DNAH9: variants seen among roughly 807,000 people sequenced by gnomAD.
The protein encoded by DNAH9 is DNAH9 variant protein.
DNAH9 carries 345 observed loss-of-function variants against 471.6 expected under a neutral mutation model. The ratio of observed to expected loss-of-function variants is 0.73; its 90% confidence interval spans 0.67 to 0.80. The LOEUF (loss-of-function observed/expected upper bound fraction) is 0.80, where lower values mean the gene tolerates loss of function less well. Among genes scored for constraint, DNAH9 ranks in the 30% least tolerant of loss-of-function variants. The pLI, the probability that DNAH9 is intolerant of heterozygous loss-of-function variation, is 0.00. For synonymous variants in DNAH9, 2,093 were observed against 2,123.6 expected (o/e 0.99, Z 0.40); for missense variants, 5,407 against 5,609.2 (o/e 0.96, Z 1.15).
chr17:11,891,728 A>G, intron 57 of DNAH9, 49 bp from the exon 58 acceptor site: 2 of 1,587,674 alleles, frequency 1.3e-6, no homozygotes, highest in Non-Finnish European at 1.7e-6. Flanking sequence ...CCACTAGTGT[A>G]TAGTAAGAGG....
chr17:11,721,149 C>T (rs557516121), intron 27 of DNAH9, among the ~76,000 whole-genome samples: 20 of 152,230 alleles, frequency 1.3e-4, no homozygotes, highest in South Asian at 4.2e-4. Flanking sequence ...GGTGAGTTGG[C>T]TAGGGGTCAC....
intron 29 of DNAH9, among the ~76,000 whole-genome samples, chr17:11,740,479 T>C (rs1016168): frequency 0.95 from 144,612 of 152,182 alleles, 69,120 homozygotes; most frequent in East Asian, 1. Context: ...GGAAAGAGGA[T>C]GAGCTAGCTC....
chr17:11,712,062 ATTTG>A (rs200856159), intron 26 of DNAH9, among the ~76,000 whole-genome samples: 46 of 1,438 alleles, frequency 0.032, 19 homozygotes, highest in Non-Finnish European at 0.069. Flanking sequence ...AAATATATAT[ATTTG>A]TATATATATA....
At chr17:11,644,492 A>C in intron 10 of DNAH9, 139 bp from the exon 11 acceptor site, 1 of 624,036 alleles carries the variant, frequency 1.6e-6, no homozygotes, top group East Asian at 3.1e-5. Context: ...GTTCGCGAAG[A>C]AGAAAGGCTC....
chr17:11,697,940 A>AC (rs2150766836), intron 22 of DNAH9, among the ~76,000 whole-genome samples: 1 of 151,496 alleles, frequency 6.6e-6, no homozygotes, highest in South Asian at 2.1e-4. Context: ...TGAAAGAAAA[A>AC]CAAGGTGATG....
At chr17:11,711,388 C>A (rs1335711197) in intron 26 of DNAH9, among the ~76,000 whole-genome samples, 1 of 152,078 alleles carries the variant, frequency 6.6e-6, no homozygotes, top group African/African-American at 2.4e-5. Flanking sequence ...GACTAGTGGG[C>A]TTAATGTTTT....
At chr17:11,722,552 G>T (rs535885518) in intron 27 of DNAH9, among the ~76,000 whole-genome samples, 1 of 152,306 alleles carries the variant, frequency 6.6e-6, no homozygotes, top group Middle Eastern at 3.4e-3. Flanking sequence ...GCAGTCAGTG[G>T]TGAAGCAAAG....
At position 11,883,656 on chromosome 17, in the gene DNAH9, G is replaced by A. The variant is rs183636309; in HGVS notation, c.10877G>A (p.Arg3626His). The A allele has an allele frequency of 1.8e-5, 29 of 1,614,008 alleles. No homozygotes were observed. Among genetic ancestry groups the A allele is most frequent in the South Asian group, 8.8e-5 (8 of 91,062 alleles). The part of the protein sequence containing the change: ...LKTLEDSLLS[R>H]LSSASGNFLG... ...ACGTTGGAAGACAGTCTTCTCTCTCGCCTCTCCTCCGCCTCTGGGAACTTC... is the reference window on the plus strand; with the variant it reads ...ACGTTGGAAGACAGTCTTCTCTCTCACCTCTCCTCCGCCTCTGGGAACTTC... Residue 3626 changes from arginine (R) to histidine (H), a missense_variant, in exon 56 of 69, where the codon CGC becomes CAC. Coordinates refer to ENST00000262442, the MANE Select transcript of DNAH9 (RefSeq NM_001372.4).
rs1478935798 is a variant in DNAH9 at position 11,728,536 on chromosome 17, AAAAC to A, written c.5814+618_5814+621del. Among the ~76,000 whole-genome samples, 41 of 76,162 alleles carry A rather than the reference AAAAC, an allele frequency of 5.4e-4. 1 individual carries two copies. Among genetic ancestry groups the A allele is most frequent in the Admixed American group, 9.9e-4 (5 of 5,072 alleles). 50.0% of individuals were successfully genotyped at this position (76,162 alleles called of 152,430 possible). ...ATGTGATCTCTGACCTAAAAAAAAA[AAAAC>A]AAAAAAAACTTGAGCTCTTGAGATA... is the stretch of plus-strand genomic sequence containing the variant. On this transcript the variant is annotated intron_variant, in intron 28 of 68. Coordinates refer to ENST00000262442, the MANE Select transcript of DNAH9 (RefSeq NM_001372.4).
chr17:11,749,074 G>GTTTTT (rs375847017), intron 32 of DNAH9, among the ~76,000 whole-genome samples: 1 of 49,108 alleles, frequency 2.0e-5, no homozygotes, highest in Non-Finnish European at 4.2e-5. Flanking sequence ...GTTTTTTTTT[G>GTTTTT]TTTTTTTTTT....
At chr17:11,712,739 C>T (rs2074894927) in intron 26 of DNAH9, among the ~76,000 whole-genome samples, 1 of 151,772 alleles carries the variant, frequency 6.6e-6, no homozygotes, top group Non-Finnish European at 1.5e-5. Flanking sequence ...TAATAATTGC[C>T]CATATCTTTT....
chr17:11,658,142 C>G (rs2073688185), intron 14 of DNAH9, among the ~76,000 whole-genome samples: 1 of 152,026 alleles, frequency 6.6e-6, no homozygotes, highest in African/African-American at 2.4e-5. Context: ...TTGAATATAG[C>G]AGTTTATGAA....
chr17:11,805,446 G>A (rs1349102935), intron 43 of DNAH9, among the ~76,000 whole-genome samples: 2 of 147,552 alleles, frequency 1.4e-5, no homozygotes, highest in African/African-American at 5.0e-5. Flanking sequence ...AACACAGACA[G>A]GAGCACAGGA....
Position 11,934,076 on chromosome 17 carries a change from G to C in DNAH9, c.12489+5G>C. ...GACTACAATGGTTATCATCAGGTGA[G>C]ACTCTGCTCTGTGCTTCTGATGTCG... On this transcript the variant is annotated splice_donor_5th_base_variant and intron_variant, in intron 65 of 68. Coordinates refer to ENST00000262442, the MANE Select transcript of DNAH9 (RefSeq NM_001372.4). 1 of 1,611,692 alleles carries C rather than the reference G, an allele frequency of 6.2e-7. No individual in the cohort carries two copies. Among genetic ancestry groups the C allele is most frequent in the Non-Finnish European group, 8.5e-7 (1 of 1,178,550 alleles).
intron 36 of DNAH9, among the ~76,000 whole-genome samples, chr17:11,764,051 G>A (rs190106360): frequency 4.5e-4 from 68 of 152,266 alleles, no homozygotes; most frequent in Middle Eastern, 3.4e-3. Flanking sequence ...TACCAGGCCA[G>A]AGTTAACTAT....
chr17:11,903,039 G>T, intron 60 of DNAH9, 127 bp downstream of exon 60: 1 of 1,096,458 alleles, frequency 9.1e-7, no homozygotes, highest in Non-Finnish European at 1.3e-6. Context: ...TAGAGGGTGG[G>T]AATAGAAATT....
At chr17:11,964,588 C>G (rs548707655) in intron 68 of DNAH9, among the ~76,000 whole-genome samples, 35 of 152,274 alleles carry the variant, frequency 2.3e-4, no homozygotes, top group African/African-American at 8.4e-4. Context: ...TTCACAAAAA[C>G]TGAGTCAGAA....
intron 35 of DNAH9, among the ~76,000 whole-genome samples, chr17:11,761,625 C>T (rs1296187070): frequency 6.6e-6 from 1 of 152,156 alleles, no homozygotes; most frequent in African/African-American, 2.4e-5. Context: ...CCCTTCTCTG[C>T]TTTGACAAAC....
At chr17:11,807,674 T>C in intron 43 of DNAH9, 58 bp from the exon 44 acceptor site, 1 of 1,549,592 alleles carries the variant, frequency 6.5e-7, no homozygotes, top group Non-Finnish European at 8.8e-7. Flanking sequence ...CCTTTATACA[T>C]GCTTCTGACT....
Sources: gnomAD v4.1 joint callset for allele counts (sites outside exome capture counted in the v4.1 genomes callset) on GRCh38, gnomAD v4.1.1 for gene constraint, MANE v1.5 for transcripts, NCBI Gene and HGNC (gene_info 2026-07-23, HGNC 2026-07-21) for gene names.